SPMIP6: variants seen among roughly 807,000 people sequenced by gnomAD.
SPMIP6 encodes sperm microtubule inner protein 6.
chr9:34,382,787 G>T, the SPMIP6 span: 1 of 1,614,112 alleles, frequency 6.2e-7, no homozygotes, highest in Non-Finnish European at 8.5e-7. Context: ...TGGTATACTT[G>T]TTGCAGCAGC....
At chr9:34,383,457 G>C in the SPMIP6 span, among the ~76,000 whole-genome samples, 4 of 152,232 alleles carry the variant, frequency 2.6e-5, no homozygotes, top group Admixed American at 2.6e-4. Context: ...CAGGGAGGCA[G>C]ATGTTTCAGT....
chr9:34,381,510 C>T, the SPMIP6 span: 1 of 1,607,904 alleles, frequency 6.2e-7, no homozygotes, highest in Non-Finnish European at 8.5e-7. This position sits in a 1 kb window ranked among gnomAD's most constrained non-coding sequence, Gnocchi z 4.4. Flanking sequence ...TAGGGGTCCT[C>T]CCAGAACACC....
At chr9:34,390,743 C>T in the SPMIP6 span, among the ~76,000 whole-genome samples, 20 of 152,186 alleles carry the variant, frequency 1.3e-4, no homozygotes, top group East Asian at 1.5e-3. Context: ...CTTCAGCCTC[C>T]GCAGCAGCTG....
the SPMIP6 span, chr9:34,381,026 G>A: frequency 6.2e-7 from 1 of 1,611,756 alleles, no homozygotes; most frequent in Non-Finnish European, 8.5e-7. The surrounding 1 kb of genome is among the most constrained non-coding windows in gnomAD (Gnocchi z 4.4). Context: ...ACCATGGAAG[G>A]GCAGGCGGCC....
the SPMIP6 span, among the ~76,000 whole-genome samples, chr9:34,389,175 G>A: frequency 1.3e-5 from 2 of 151,910 alleles, no homozygotes; most frequent in Non-Finnish European, 1.5e-5. Flanking sequence ...GAGCTCAAGT[G>A]ATCCTCCTGC....
At chr9:34,382,933 C>T in the SPMIP6 span, 1 of 1,072,780 alleles carries the variant, frequency 9.3e-7, no homozygotes, top group South Asian at 1.3e-5. Context: ...GATCTGAGAT[C>T]CCCTACATGT....
At chr9:34,381,479 C>A in the SPMIP6 span, 1 of 1,613,728 alleles carries the variant, frequency 6.2e-7, no homozygotes, top group African/African-American at 1.3e-5. The surrounding 1 kb of genome is among the most constrained non-coding windows in gnomAD (Gnocchi z 4.4). Flanking sequence ...CAAGCTCTGA[C>A]CTGGCAGAGC....
the SPMIP6 span, among the ~76,000 whole-genome samples, chr9:34,386,170 C>T: frequency 6.6e-6 from 1 of 152,134 alleles, no homozygotes; most frequent in Non-Finnish European, 1.5e-5. Context: ...GTGCATCAGG[C>T]CCCAGTCTCA....
At chr9:34,388,223 C>T in the SPMIP6 span, among the ~76,000 whole-genome samples, 1 of 151,470 alleles carries the variant, frequency 6.6e-6, no homozygotes, top group African/African-American at 2.4e-5. Context: ...TCACTGCAAC[C>T]TCTGCCTCCC....
the SPMIP6 span, among the ~76,000 whole-genome samples, chr9:34,387,809 C>T: frequency 1.3e-5 from 2 of 152,146 alleles, no homozygotes; most frequent in Non-Finnish European, 1.5e-5. Flanking sequence ...AGGATGATCT[C>T]GTTGGACAAT....
At chr9:34,391,173 T>C in the SPMIP6 span, among the ~76,000 whole-genome samples, 1 of 152,180 alleles carries the variant, frequency 6.6e-6, no homozygotes. Context: ...TTGGCAAGTT[T>C]TATTTTTCTT....
At chr9:34,391,879 T>C in the SPMIP6 span, among the ~76,000 whole-genome samples, 3 of 152,198 alleles carry the variant, frequency 2.0e-5, no homozygotes, top group Non-Finnish European at 4.4e-5. Flanking sequence ...ACTAATTATA[T>C]TGCGAGAGTT....
At chr9:34,382,597 A>AAAT in the SPMIP6 span, 3 of 623,298 alleles carry the variant, frequency 4.8e-6, no homozygotes, top group Non-Finnish European at 5.8e-6. Context: ...AAAAAAAAAA[A>AAAT]ATACAAACTC....
At chr9:34,383,230 T>C in the SPMIP6 span, among the ~76,000 whole-genome samples, 2 of 152,182 alleles carry the variant, frequency 1.3e-5, no homozygotes, top group Non-Finnish European at 1.5e-5. Flanking sequence ...TCCTTCAAAA[T>C]CACTCGAATC....
At chr9:34,386,314 G>A in the SPMIP6 span, among the ~76,000 whole-genome samples, 1 of 152,172 alleles carries the variant, frequency 6.6e-6, no homozygotes, top group Non-Finnish European at 1.5e-5. Context: ...TGTAATTCCC[G>A]GCTGGGCGTG....
the SPMIP6 span, among the ~76,000 whole-genome samples, chr9:34,396,570 T>C: frequency 3.3e-5 from 5 of 152,148 alleles, no homozygotes; most frequent in Non-Finnish European, 5.9e-5. Context: ...AGAGAGGCCC[T>C]TCTTGGTCTG....
chr9:34,396,792 A>C, the SPMIP6 span, among the ~76,000 whole-genome samples: 23 of 152,104 alleles, frequency 1.5e-4, no homozygotes, highest in Admixed American at 4.6e-4. Context: ...ACATCGGGCA[A>C]CTCTACTTTG....
the SPMIP6 span, among the ~76,000 whole-genome samples, chr9:34,382,012 C>T: frequency 6.6e-6 from 1 of 152,166 alleles, no homozygotes. Context: ...CTTAGTCTTT[C>T]TCCTTCCGTC....
chr9:34,385,508 C>G, the SPMIP6 span: 1 of 775,124 alleles, frequency 1.3e-6, no homozygotes, highest in Non-Finnish European at 1.9e-6. Context: ...TGCACCCAGA[C>G]TGGGCAACAA....
Sources: gnomAD v4.1 joint callset for allele counts (sites outside exome capture counted in the v4.1 genomes callset) on GRCh38, gnomAD v4.1.1 for gene constraint, Gnocchi (gnomAD v3.1) non-coding constraint, MANE v1.5 for transcripts, NCBI Gene and HGNC (gene_info 2026-07-23, HGNC 2026-07-21) for gene names.